Variants in MYO3B observed in about 807,000 individuals in gnomAD.
MYO3B encodes the protein myosin IIIB.
MYO3B carries 156 observed loss-of-function variants against 174.6 expected under a neutral mutation model. The observed-to-expected ratio is 0.89, with a 90% CI of 0.78 to 1.02. The LOEUF (loss-of-function observed/expected upper bound fraction) is 1.02. Among genes scored for constraint, MYO3B ranks in the 50% least tolerant of loss-of-function variants. The pLI is 0.00. For missense variants in MYO3B, 1,632 were observed against 1,639.4 expected, an observed-to-expected ratio of 1.00 and a Z score of 0.08; for synonymous variants, 563 against 569.1, an observed-to-expected ratio of 0.99 and a Z score of 0.15.
At chr2:170,578,733 T>C (rs927108909) in intron 32 of MYO3B, among the ~76,000 whole-genome samples, 1 of 152,242 alleles carries the variant, frequency 6.6e-6, no homozygotes, top group Non-Finnish European at 1.5e-5. Context: ...GAAACTTGCT[T>C]TAACAAGTAG....
intron 32 of MYO3B, among the ~76,000 whole-genome samples, chr2:170,549,121 T>G (rs895957382): frequency 2.0e-5 from 3 of 152,204 alleles, no homozygotes; most frequent in Admixed American, 2.0e-4. Flanking sequence ...GGCCCTTTAC[T>G]TACATTTTCT....
Position 170,402,943 on chromosome 2 carries a change from C to T in MYO3B, c.2225C>T (p.Ala742Val). The T allele has an allele frequency of 6.2e-7, 1 of 1,610,438 alleles. No individual in the cohort carries two copies. The highest frequency in any genetic ancestry group is 8.5e-7 in the Non-Finnish European group (1 of 1,177,240). The change falls in exon 19 of 35, where the codon GCC becomes GTC. Residue 742 changes from alanine to valine, a missense_variant. Ala to Val is a moderately conservative substitution (Grantham distance 64). Coordinates refer to ENST00000408978, the MANE Select transcript of MYO3B (RefSeq NM_138995.5). Reference protein sequence around the residue: ...NSFEQLCINIANEQIQYYFNQ... With the variant: ...NSFEQLCINIVNEQIQYYFNQ... ...TTTGAGCAGCTCTGCATAAACATCG[C>T]CAATGAGCAAATCCAGTACTATTTC... is the stretch of plus-strand genomic sequence containing the variant.
chr2:170,383,292 G>C, intron 11 of MYO3B, 103 bp downstream of exon 11: 1 of 735,896 alleles, frequency 1.4e-6, no homozygotes, highest in Non-Finnish European at 2.4e-6. Context: ...TGCTACCCTA[G>C]ATGTATATAC....
chr2:170,178,959 C>T (rs1031860540), intron 1 of MYO3B, among the ~76,000 whole-genome samples: 3 of 152,112 alleles, frequency 2.0e-5, no homozygotes, highest in Non-Finnish European at 2.9e-5. Flanking sequence ...TTTTCTTCCT[C>T]TCAGTAATTT....
chr2:170,556,054 G>C (rs1691268021), intron 32 of MYO3B, among the ~76,000 whole-genome samples: 1 of 151,906 alleles, frequency 6.6e-6, no homozygotes, highest in Non-Finnish European at 1.5e-5. Flanking sequence ...AAATTAGCTG[G>C]GCGTAATAGC....
At chr2:170,626,862 G>A in intron 32 of MYO3B, among the ~76,000 whole-genome samples, 1 of 152,228 alleles carries the variant, frequency 6.6e-6, no homozygotes, top group Non-Finnish European at 1.5e-5. Context: ...CTTTAGGAAT[G>A]TTGAATATGG....
chr2:170,318,098 T>C (rs962414198), intron 7 of MYO3B, among the ~76,000 whole-genome samples: 1 of 152,172 alleles, frequency 6.6e-6, no homozygotes, highest in Non-Finnish European at 1.5e-5. Context: ...GGTCATAGGG[T>C]CATTTTGAGG....
chr2:170,431,766 C>T (rs185247130), intron 22 of MYO3B, among the ~76,000 whole-genome samples: 70 of 152,226 alleles, frequency 4.6e-4, no homozygotes, highest in Middle Eastern at 3.4e-3. Flanking sequence ...TCAATAAAAC[C>T]GATGGGAGGA....
intron 25 of MYO3B, among the ~76,000 whole-genome samples, chr2:170,483,044 A>C (rs1022903960): frequency 6.6e-6 from 1 of 152,264 alleles, no homozygotes; most frequent in Non-Finnish European, 1.5e-5. Flanking sequence ...TAGAAAAATC[A>C]TTTCTGTAGT....
intron 16 of MYO3B, among the ~76,000 whole-genome samples, chr2:170,393,870 G>C (rs1201083798): frequency 6.6e-6 from 1 of 152,064 alleles, no homozygotes; most frequent in East Asian, 1.9e-4. Context: ...CTTCTTAGAG[G>C]GGGGCAATTA....
At chr2:170,473,045 C>T (rs1484028611) in intron 25 of MYO3B, among the ~76,000 whole-genome samples, 3 of 151,856 alleles carry the variant, frequency 2.0e-5, no homozygotes, top group East Asian at 1.9e-4. Flanking sequence ...GTGCCTGGCA[C>T]GAATTCAGTG....
chr2:170,442,156 C>T (rs1369360821), intron 22 of MYO3B, among the ~76,000 whole-genome samples: 8 of 151,932 alleles, frequency 5.3e-5, no homozygotes, highest in Admixed American at 2.6e-4. Context: ...AGTGTTATCT[C>T]GGAGCTATAT....
At chr2:170,554,004 C>G (rs1691109336) in intron 32 of MYO3B, among the ~76,000 whole-genome samples, 1 of 152,124 alleles carries the variant, frequency 6.6e-6, no homozygotes, top group African/African-American at 2.4e-5. Context: ...CCCAATCATG[C>G]CTCCTGTACA....
At chr2:170,526,210 T>A (rs1688987234) in intron 30 of MYO3B, among the ~76,000 whole-genome samples, 1 of 152,010 alleles carries the variant, frequency 6.6e-6, no homozygotes, top group Non-Finnish European at 1.5e-5. Flanking sequence ...TATCCTAGAC[T>A]GCAAAAAGGG....
intron 7 of MYO3B, among the ~76,000 whole-genome samples, chr2:170,267,137 C>T (rs1419956021): frequency 7.1e-6 from 1 of 141,154 alleles, no homozygotes; most frequent in Non-Finnish European, 1.6e-5. Context: ...AAAACTCAAA[C>T]AGCAGCTGGG....
chr2:170,612,397 T>C (rs1412832012), intron 32 of MYO3B, among the ~76,000 whole-genome samples: 1 of 152,198 alleles, frequency 6.6e-6, no homozygotes, highest in Non-Finnish European at 1.5e-5. Context: ...ATTCCTTTTT[T>C]TGTGTAAATA....
At chr2:170,327,629 T>G (rs1333202472) in intron 7 of MYO3B, among the ~76,000 whole-genome samples, 1 of 152,106 alleles carries the variant, frequency 6.6e-6, no homozygotes, top group Non-Finnish European at 1.5e-5. Flanking sequence ...CTCTTCCTTT[T>G]CCCTACTTTA....
intron 8 of MYO3B, among the ~76,000 whole-genome samples, chr2:170,349,266 C>T (rs2094041870): frequency 6.6e-6 from 1 of 152,152 alleles, no homozygotes. Context: ...AGCGTTGTGC[C>T]TTTTACAGAA....
At chr2:170,325,340 T>C (rs2105507026) in intron 7 of MYO3B, among the ~76,000 whole-genome samples, 1 of 152,136 alleles carries the variant, frequency 6.6e-6, no homozygotes, top group Middle Eastern at 3.4e-3. Context: ...CCCAAGTAGC[T>C]GGGATTACAG....
Sources: gnomAD v4.1 joint callset for allele counts (sites outside exome capture counted in the v4.1 genomes callset) on GRCh38, gnomAD v4.1.1 for gene constraint, MANE v1.5 for transcripts, NCBI Gene and HGNC (gene_info 2026-07-23, HGNC 2026-07-21) for gene names.